Variants in KHDRBS2 observed in about 807,000 individuals in gnomAD.
KHDRBS2 encodes KH domain-containing, RNA-binding, signal transduction-associated protein 2.
In KHDRBS2, 26 loss-of-function variants were observed where a neutral mutation model predicts 44.3. That is an observed-to-expected ratio of 0.59 (90% CI 0.43 to 0.81). The LOEUF is 0.81. Ranked by LOEUF, KHDRBS2 falls within the 40% of genes least tolerant of loss-of-function variation. KHDRBS2 has a pLI of 0.00. For missense variants in KHDRBS2, 476 were observed against 433.1 expected, an observed-to-expected ratio of 1.10 and a Z score of -0.88; for synonymous variants, 194 against 151.1, an observed-to-expected ratio of 1.28 and a Z score of -2.08.
rs144929803 is a variant in KHDRBS2, at chr6:62,025,813, C to T, written c.336+22065G>A. 2.1e-3 allele frequency among the ~76,000 whole-genome samples: 321 copies of T among 152,064 alleles called. 1 individual carries two copies. The highest frequency in any genetic ancestry group is 7.3e-3 in the African/African-American group (302 of 41,512). On this transcript the variant is annotated intron_variant, in intron 3 of 8. Transcript: ENST00000281156. ...TTTTTCCTGTGGTGTCATGACAGTC[C>T]AGCTTTTGCTTATTATTTCACTGTT... is the stretch of plus-strand genomic sequence containing the variant.
intron 1 of KHDRBS2, among the ~76,000 whole-genome samples, chr6:62,250,623 G>A (rs1252930959): frequency 3.3e-5 from 5 of 151,876 alleles, no homozygotes. Context: ...TGTGGAGGGA[G>A]TGCTGTAGTT....
intron 4 of KHDRBS2, among the ~76,000 whole-genome samples, chr6:61,976,188 T>C (rs569167892): frequency 5.0e-4 from 76 of 152,262 alleles, no homozygotes; most frequent in African/African-American, 1.8e-3. Flanking sequence ...CCTGCACCAC[T>C]CCTCATGCCT....
At chr6:62,111,741 G>C (rs755892959) in intron 2 of KHDRBS2, among the ~76,000 whole-genome samples, 3 of 152,034 alleles carry the variant, frequency 2.0e-5, no homozygotes, top group Non-Finnish European at 4.4e-5. Context: ...AATTAGCCGA[G>C]TATGGTGGCA....
intron 4 of KHDRBS2, among the ~76,000 whole-genome samples, chr6:61,955,961 A>G (rs1229573607): frequency 2.0e-5 from 3 of 152,122 alleles, no homozygotes; most frequent in East Asian, 3.9e-4. Flanking sequence ...TTTGAATGCA[A>G]GAAGTCTAGC....
chr6:61,951,394 C>A (rs1214488939), intron 4 of KHDRBS2, among the ~76,000 whole-genome samples: 3 of 152,038 alleles, frequency 2.0e-5, no homozygotes, highest in African/African-American at 4.8e-5. Flanking sequence ...ATCTACCAAT[C>A]ATTTTAAATT....
the KHDRBS2 span, among the ~76,000 whole-genome samples, chr6:61,598,910 T>A: frequency 6.7e-6 from 1 of 148,466 alleles, no homozygotes; most frequent in Non-Finnish European, 1.5e-5. Context: ...TACAAAGAAT[T>A]TAAATTGTGT....
intron 1 of KHDRBS2, among the ~76,000 whole-genome samples, chr6:62,208,948 T>A (rs189838942): frequency 3.5e-4 from 53 of 152,290 alleles, no homozygotes; most frequent in African/African-American, 1.2e-3. Flanking sequence ...TTGGCAATGA[T>A]TTTTTGTATA....
At chr6:61,835,158 A>G (rs1792450379) in intron 6 of KHDRBS2, among the ~76,000 whole-genome samples, 1 of 152,038 alleles carries the variant, frequency 6.6e-6, no homozygotes, top group Admixed American at 6.6e-5. Flanking sequence ...GGAGCTTTTA[A>G]CCTTGGAGAG....
At chr6:62,283,708 T>C (rs1842102609) in intron 1 of KHDRBS2, among the ~76,000 whole-genome samples, 2 of 152,110 alleles carry the variant, frequency 1.3e-5, no homozygotes, top group Admixed American at 1.3e-4. Flanking sequence ...CAACTGGCCT[T>C]TGGAAAGATA....
chr6:61,996,004 T>G (rs1194013677), intron 3 of KHDRBS2, among the ~76,000 whole-genome samples: 1 of 152,176 alleles, frequency 6.6e-6, no homozygotes, highest in African/African-American at 2.4e-5. Context: ...TTATAGATCA[T>G]CTAATAACAC....
At chr6:62,130,711 T>A (rs182261889) in intron 2 of KHDRBS2, among the ~76,000 whole-genome samples, 1 of 152,184 alleles carries the variant, frequency 6.6e-6, no homozygotes, top group East Asian at 1.9e-4. Context: ...ACACCTAACA[T>A]GCAGAACATC....
At chr6:62,155,296 A>T (rs186578225) in intron 2 of KHDRBS2, among the ~76,000 whole-genome samples, 1 of 152,342 alleles carries the variant, frequency 6.6e-6, no homozygotes, top group Non-Finnish European at 1.5e-5. Context: ...GTACCAGCAG[A>T]AATTCTAAGG....
intron 1 of KHDRBS2, among the ~76,000 whole-genome samples, chr6:62,188,040 G>T (rs1585118898): frequency 6.6e-6 from 1 of 151,890 alleles, no homozygotes; most frequent in Non-Finnish European, 1.5e-5. Context: ...AGAGAGAGGA[G>T]GAGGGACCAG....
At chr6:62,148,919 G>A (rs1208544073) in intron 2 of KHDRBS2, among the ~76,000 whole-genome samples, 3 of 152,018 alleles carry the variant, frequency 2.0e-5, no homozygotes, top group East Asian at 1.9e-4. Context: ...CCCCCTTCAC[G>A]TGTGAATGGC....
chr6:62,140,040 C>T (rs1812455697), intron 2 of KHDRBS2, among the ~76,000 whole-genome samples: 3 of 152,026 alleles, frequency 2.0e-5, no homozygotes, highest in Admixed American at 2.0e-4. Flanking sequence ...TAACCTAAAC[C>T]CTATGGTTTA....
At chr6:61,644,970 T>C in the KHDRBS2 span, among the ~76,000 whole-genome samples, 1 of 152,114 alleles carries the variant, frequency 6.6e-6, no homozygotes, top group Non-Finnish European at 1.5e-5. Context: ...ACTGGGTATA[T>C]ACTCAAAAGA....
At chr6:61,924,481 T>A (rs1357719382) in intron 4 of KHDRBS2, among the ~76,000 whole-genome samples, 1 of 151,128 alleles carries the variant, frequency 6.6e-6, no homozygotes, top group Non-Finnish European at 1.5e-5. Flanking sequence ...AATTAAAAAA[T>A]TAATTTTAGT....
chr6:61,625,099 G>C, the KHDRBS2 span, among the ~76,000 whole-genome samples: 2 of 151,924 alleles, frequency 1.3e-5, no homozygotes, highest in Non-Finnish European at 2.9e-5. Flanking sequence ...GATCTACTTT[G>C]ATGCCTTGTG....
intron 1 of KHDRBS2, among the ~76,000 whole-genome samples, chr6:62,257,021 C>G (rs1563145472): frequency 6.6e-6 from 1 of 152,102 alleles, no homozygotes; most frequent in South Asian, 2.1e-4. Flanking sequence ...TCATACAGAT[C>G]AATCCTCAAA....
Sources: allele counts gnomAD v4.1 joint callset (sites outside exome capture counted in the v4.1 genomes callset), GRCh38; gene constraint gnomAD v4.1.1; transcripts MANE v1.5; gene names NCBI Gene and HGNC (gene_info 2026-07-23, HGNC 2026-07-21).